The following NRXN3 variants were observed in gnomAD, a reference collection of about 807,000 sequenced individuals.
NRXN3 encodes neurexin 3, also known as neurexin III.
In NRXN3, 32 loss-of-function variants were observed where a neutral mutation model predicts 137.6. The ratio of observed to expected loss-of-function variants is 0.23; its 90% CI spans 0.18 to 0.31. The LOEUF (loss-of-function observed/expected upper bound fraction) is 0.31, where lower values mean the gene tolerates loss of function less well. Among genes scored for constraint, NRXN3 ranks in the 10% least tolerant of loss-of-function variants. NRXN3 has a pLI of 1.00. For synonymous variants in NRXN3, 798 were observed against 784.5 expected (o/e 1.02, Z -0.29); for missense variants, 1,574 against 2,062.5 (o/e 0.76, Z 4.59).
chr14:78,718,055 C>T (rs1455501413), intron 8 of NRXN3, among the ~76,000 whole-genome samples: 3 of 152,150 alleles, frequency 2.0e-5, no homozygotes, highest in Non-Finnish European at 4.4e-5. Flanking sequence ...TCTCTCTATA[C>T]AGGAATGGAA....
chr14:78,783,293 C>T (rs1176485419), intron 8 of NRXN3, among the ~76,000 whole-genome samples: 2 of 152,112 alleles, frequency 1.3e-5, no homozygotes, highest in Non-Finnish European at 2.9e-5. Context: ...TGTAACTTCT[C>T]TCCAATCCTG....
intron 10 of NRXN3, among the ~76,000 whole-genome samples, chr14:78,918,114 C>T (rs555663291): frequency 6.6e-5 from 10 of 151,086 alleles, no homozygotes; most frequent in East Asian, 3.9e-4. Flanking sequence ...GGAGAAACCT[C>T]GTCTCTACTA....
intron 15 of NRXN3, among the ~76,000 whole-genome samples, chr14:79,463,975 A>G (rs960507377): frequency 6.6e-6 from 1 of 152,198 alleles, no homozygotes; most frequent in Admixed American, 6.5e-5. Context: ...AAATAATTCT[A>G]TGTTTCCTGT....
intron 6 of NRXN3, among the ~76,000 whole-genome samples, chr14:78,665,465 C>T (rs1490240572): frequency 7.2e-5 from 11 of 152,092 alleles, no homozygotes; most frequent in Non-Finnish European, 1.5e-4. Flanking sequence ...GGGTAACCAC[C>T]GTCATGATTC....
intron 4 of NRXN3, among the ~76,000 whole-genome samples, chr14:78,399,019 G>A (rs1246930364): frequency 2.6e-5 from 4 of 152,204 alleles, no homozygotes; most frequent in Admixed American, 6.5e-5. Flanking sequence ...TATGGAAATT[G>A]CTTTGTGAAA....
intron 8 of NRXN3, among the ~76,000 whole-genome samples, chr14:78,803,074 A>C (rs1039488396): frequency 6.6e-6 from 1 of 152,190 alleles, no homozygotes; most frequent in African/African-American, 2.4e-5. Flanking sequence ...TATTCTTTGA[A>C]TGGGCCAAAC....
intron 16 of NRXN3, among the ~76,000 whole-genome samples, chr14:79,566,523 T>C (rs1244736086): frequency 6.6e-6 from 1 of 152,106 alleles, no homozygotes; most frequent in Non-Finnish European, 1.5e-5. Flanking sequence ...GCATGTATTA[T>C]AGGAACAACT....
intron 16 of NRXN3, among the ~76,000 whole-genome samples, chr14:79,484,451 A>G (rs1215434588): frequency 6.6e-6 from 1 of 152,192 alleles, no homozygotes; most frequent in Non-Finnish European, 1.5e-5. Context: ...TTTCATATAC[A>G]AGTTGATATT....
At chr14:78,657,434 C>T (rs538692531) in intron 6 of NRXN3, among the ~76,000 whole-genome samples, 158 of 152,264 alleles carry the variant, frequency 1.0e-3, no homozygotes, top group Admixed American at 1.7e-3. Flanking sequence ...AGTGGAGAAG[C>T]GAAAGTGCCA....
intron 15 of NRXN3, among the ~76,000 whole-genome samples, chr14:79,396,014 A>G (rs2095013477): frequency 6.6e-6 from 1 of 152,202 alleles, no homozygotes; most frequent in Non-Finnish European, 1.5e-5. Context: ...ACATATATAC[A>G]TGCTATGCAC....
At chr14:78,511,506 A>G (rs2096107807) in intron 4 of NRXN3, among the ~76,000 whole-genome samples, 1 of 152,200 alleles carries the variant, frequency 6.6e-6, no homozygotes, top group Non-Finnish European at 1.5e-5. Flanking sequence ...TCAGAGAACC[A>G]GGCTGTTGAA....
chr14:78,855,192 A>G (rs2099053757), intron 10 of NRXN3, among the ~76,000 whole-genome samples: 1 of 151,934 alleles, frequency 6.6e-6, no homozygotes, highest in Admixed American at 6.6e-5. Flanking sequence ...AAAAAGGTAT[A>G]TATGACTATA....
intron 10 of NRXN3, among the ~76,000 whole-genome samples, chr14:78,923,383 T>C (rs895227817): frequency 6.6e-6 from 1 of 152,244 alleles, no homozygotes; most frequent in South Asian, 2.1e-4. Flanking sequence ...GCACTAAACA[T>C]AACAGCATAG....
intron 15 of NRXN3, among the ~76,000 whole-genome samples, chr14:79,440,406 G>T (rs1289782556): frequency 6.6e-6 from 1 of 152,160 alleles, no homozygotes; most frequent in Admixed American, 6.5e-5. Flanking sequence ...CGTATGAACA[G>T]CATGCCTGGA....
At chr14:79,619,992 A>G (rs2098204790) in intron 16 of NRXN3, among the ~76,000 whole-genome samples, 1 of 152,112 alleles carries the variant, frequency 6.6e-6, no homozygotes, top group Non-Finnish European at 1.5e-5. Context: ...ACCTCTGAAA[A>G]GAAGTTATTG....
chr14:79,099,573 G>T (rs2152836778), intron 15 of NRXN3, among the ~76,000 whole-genome samples: 1 of 152,156 alleles, frequency 6.6e-6, no homozygotes, highest in African/African-American at 2.4e-5. Context: ...TTTTGTAGGT[G>T]GAGAAAATGC....
intron 16 of NRXN3, among the ~76,000 whole-genome samples, chr14:79,586,156 T>C (rs756372380): frequency 6.6e-6 from 1 of 152,244 alleles, no homozygotes; most frequent in African/African-American, 2.4e-5. Context: ...GGATTCCAAA[T>C]TAAAGTACAC....
chr14:78,386,448 G>A (rs1598088251), intron 4 of NRXN3, among the ~76,000 whole-genome samples: 1 of 152,126 alleles, frequency 6.6e-6, no homozygotes, highest in East Asian at 1.9e-4. Flanking sequence ...ACAGGAAGGT[G>A]GAAGAGTGTC....
At chr14:79,773,521 C>T (rs1004130018) in intron 19 of NRXN3, among the ~76,000 whole-genome samples, 25 of 150,966 alleles carry the variant, frequency 1.7e-4, no homozygotes, top group Middle Eastern at 3.2e-3. Flanking sequence ...AGTAAACTAT[C>T]GCAAGAACAA....
Sources: gnomAD v4.1 joint callset for allele counts (sites outside exome capture counted in the v4.1 genomes callset) on GRCh38, gnomAD v4.1.1 for gene constraint, MANE v1.5 for transcripts, NCBI Gene and HGNC (gene_info 2026-07-23, HGNC 2026-07-21) for gene names.